The following SLC35F4 variants were observed in gnomAD, a reference collection of about 807,000 sequenced individuals.
The protein encoded by SLC35F4 is solute carrier family 35 member F4, also known as chromosome 14 open reading frame 36.
In SLC35F4, 24 loss-of-function variants were observed where a neutral mutation model predicts 44.2. That is an observed-to-expected ratio of 0.54 (90% CI 0.39 to 0.76). The LOEUF (loss-of-function observed/expected upper bound fraction) is 0.76. Among genes scored for constraint, SLC35F4 ranks in the 30% least tolerant of loss-of-function variants. SLC35F4 has a pLI of 0.00. For synonymous variants in SLC35F4, 238 were observed against 223.6 expected (o/e 1.06, Z -0.57); for missense variants, 562 against 586.1 (o/e 0.96, Z 0.42).
At chr14:57,924,542 G>A (rs888050090) in intron 1 of SLC35F4, among the ~76,000 whole-genome samples, 3 of 151,914 alleles carry the variant, frequency 2.0e-5, no homozygotes, top group Non-Finnish European at 2.9e-5. Context: ...TCCGCCTCCT[G>A]GGTTCACACC....
chr14:57,656,376 T>TATATAC (rs1314183912), intron 1 of SLC35F4, among the ~76,000 whole-genome samples: 17 of 74,024 alleles, frequency 2.3e-4, no homozygotes, highest in African/African-American at 1.4e-3. Context: ...TATATATATA[T>TATATAC]ACACACACAC....
chr14:57,922,210 A>T (rs1311041192), intron 1 of SLC35F4, among the ~76,000 whole-genome samples: 1 of 152,196 alleles, frequency 6.6e-6, no homozygotes, highest in East Asian at 1.9e-4. Flanking sequence ...AGTGATTCTC[A>T]AACTTCAGTG....
At chr14:57,582,921 A>G (rs2069398442) in intron 3 of SLC35F4, among the ~76,000 whole-genome samples, 1 of 152,238 alleles carries the variant, frequency 6.6e-6, no homozygotes, top group Non-Finnish European at 1.5e-5. Context: ...ATTAAGTTTC[A>G]TAGTAAATGT....
chr14:57,826,371 A>G (rs145516452), intron 1 of SLC35F4, among the ~76,000 whole-genome samples: 35 of 152,322 alleles, frequency 2.3e-4, no homozygotes, highest in African/African-American at 7.9e-4. Context: ...CTCAAGATGG[A>G]TTAAAGACTT....
At chr14:57,641,115 C>T (rs2140160504) in intron 1 of SLC35F4, among the ~76,000 whole-genome samples, 1 of 148,246 alleles carries the variant, frequency 6.7e-6, no homozygotes, top group South Asian at 2.2e-4. Flanking sequence ...CACTAACTAG[C>T]CTTAGAGAGA....
chr14:57,935,810 G>T (rs1199860425), intron 1 of SLC35F4, among the ~76,000 whole-genome samples: 1 of 152,118 alleles, frequency 6.6e-6, no homozygotes, highest in Non-Finnish European at 1.5e-5. Flanking sequence ...TGTTACAAAT[G>T]CTTTGCACTA....
At chr14:57,833,867 T>C (rs1346194911) in intron 1 of SLC35F4, among the ~76,000 whole-genome samples, 2 of 152,190 alleles carry the variant, frequency 1.3e-5, no homozygotes, top group African/African-American at 4.8e-5. Context: ...AGAAAATAAT[T>C]TTTTAAATGC....
At chr14:57,698,969 C>A (rs1190979703) in intron 1 of SLC35F4, among the ~76,000 whole-genome samples, 4 of 152,052 alleles carry the variant, frequency 2.6e-5, no homozygotes, top group Non-Finnish European at 5.9e-5. Context: ...AGGATGACAG[C>A]AGATGCCAAC....
intron 1 of SLC35F4, among the ~76,000 whole-genome samples, chr14:57,920,705 A>G (rs1889424452): frequency 6.6e-6 from 1 of 152,244 alleles, no homozygotes; most frequent in Non-Finnish European, 1.5e-5. Flanking sequence ...TCTCAGGTCA[A>G]GAAAAGACAG....
At chr14:57,899,681 T>C (rs2347373) in intron 1 of SLC35F4, among the ~76,000 whole-genome samples, 1 of 152,182 alleles carries the variant, frequency 6.6e-6, no homozygotes, top group Non-Finnish European at 1.5e-5. Context: ...TAAAGCTGTT[T>C]GCTGAGGTTT....
At chr14:57,780,924 A>G (rs1353412711) in intron 1 of SLC35F4, among the ~76,000 whole-genome samples, 3 of 152,090 alleles carry the variant, frequency 2.0e-5, no homozygotes, top group Admixed American at 6.6e-5. Flanking sequence ...ACTCAAGATG[A>G]ATTAAAAACT....
chr14:57,625,091 A>G (rs1176738269), intron 1 of SLC35F4, among the ~76,000 whole-genome samples: 2 of 152,250 alleles, frequency 1.3e-5, no homozygotes, highest in Non-Finnish European at 2.9e-5. Context: ...TAAGCTGATA[A>G]GCAACTTCAG....
chr14:57,779,221 A>G (rs2077562380), intron 1 of SLC35F4, among the ~76,000 whole-genome samples: 1 of 152,118 alleles, frequency 6.6e-6, no homozygotes, highest in Admixed American at 6.6e-5. Context: ...AAAAATTCAT[A>G]AACTAGACAG....
chr14:57,774,105 G>A (rs184778286), intron 1 of SLC35F4, among the ~76,000 whole-genome samples: 31 of 151,222 alleles, frequency 2.0e-4, no homozygotes, highest in African/African-American at 7.6e-4. Context: ...ATCTCCAAAC[G>A]AGGGAAGGGG....
At chr14:57,919,922 A>G (rs1240452957) in intron 1 of SLC35F4, among the ~76,000 whole-genome samples, 5 of 152,148 alleles carry the variant, frequency 3.3e-5, no homozygotes, top group Admixed American at 1.3e-4. Context: ...TCTTTTAGAC[A>G]TGGTCATTCT....
intron 1 of SLC35F4, among the ~76,000 whole-genome samples, chr14:57,730,424 C>T (rs143573833): frequency 7.5e-4 from 114 of 151,926 alleles, no homozygotes; most frequent in Non-Finnish European, 1.5e-3. Flanking sequence ...TCACATACTT[C>T]CTAGCCATTT....
Position 57,865,752 on chromosome 14 carries a change from C to T in SLC35F4, c.74G>A (p.Gly25Asp), listed in dbSNP as rs1888112312. 1 of 1,523,978 alleles carries T rather than the reference C, an allele frequency of 6.6e-7. No homozygotes were observed. The highest frequency in any genetic ancestry group is 1.4e-5 in the African/African-American group (1 of 71,616). The allele number at this position is 1,523,978 out of a possible 1,614,324, so 94.4% of individuals were successfully genotyped here. Reference protein sequence around the residue: ...DRILRITGYYGYYPGYSSQKS... With the variant: ...DRILRITGYYDYYPGYSSQKS... Reference sequence around the variant, plus strand: ...CTGGCTGGAGTAACCTGGATAATAGCCATAGTAGCCGGTGATCCGCAGGAT... The same window carrying T: ...CTGGCTGGAGTAACCTGGATAATAGTCATAGTAGCCGGTGATCCGCAGGAT... The change falls in exon 1 of 8, where the codon GGC becomes GAC. Residue 25 changes from glycine to aspartate, a missense_variant. Gly to Asp is a moderately conservative substitution (Grantham distance 94). Coordinates refer to ENST00000556826, the MANE Select transcript of SLC35F4 (RefSeq NM_001306087.2).
intron 1 of SLC35F4, among the ~76,000 whole-genome samples, chr14:57,770,680 C>G (rs1170783543): frequency 1.3e-5 from 2 of 152,062 alleles, no homozygotes; most frequent in Admixed American, 1.3e-4. Context: ...CTGGGATTTG[C>G]ATATTTGTGA....
intron 1 of SLC35F4, among the ~76,000 whole-genome samples, chr14:57,912,276 A>T (rs1259605792): frequency 2.0e-5 from 3 of 151,726 alleles, no homozygotes; most frequent in Non-Finnish European, 4.4e-5. Context: ...AATCTTTATT[A>T]TTTCTTTTCT....
Sources: allele counts gnomAD v4.1 joint callset (sites outside exome capture counted in the v4.1 genomes callset), GRCh38; gene constraint gnomAD v4.1.1; transcripts MANE v1.5; gene names NCBI Gene and HGNC (gene_info 2026-07-23, HGNC 2026-07-21).